PHF20: variants seen among roughly 807,000 people sequenced by gnomAD.
The protein encoded by PHF20 is glioma-expressed antigen 2.
PHF20 carries 23 observed loss-of-function variants against 113.5 expected under a neutral mutation model. That is an observed-to-expected ratio of 0.20 (90% CI 0.15 to 0.29). PHF20 has a LOEUF of 0.29. Among genes scored for constraint, PHF20 ranks in the 10% least tolerant of loss-of-function variants. The pLI, the probability that PHF20 is intolerant of heterozygous loss-of-function variation, is 1.00. For synonymous variants in PHF20, 434 were observed against 457.3 expected (o/e 0.95, Z 0.65); for missense variants, 943 against 1,219.6 (o/e 0.77, Z 3.38).
chr20:35,814,891 TAAAA>T (rs1207146028), intron 2 of PHF20, among the ~76,000 whole-genome samples: 2 of 113,022 alleles, frequency 1.8e-5, no homozygotes, highest in Non-Finnish European at 3.9e-5. Flanking sequence ...AAAAAAAAAA[TAAAA>T]TAAATAAATA....
chr20:35,867,306 C>A (rs2054335885), intron 6 of PHF20, among the ~76,000 whole-genome samples: 1 of 152,172 alleles, frequency 6.6e-6, no homozygotes, highest in South Asian at 2.1e-4. Flanking sequence ...GTCTCCCAGG[C>A]TGGAGTGCAG....
At chr20:35,910,898 G>T (rs559208552) in intron 10 of PHF20, among the ~76,000 whole-genome samples, 1 of 152,144 alleles carries the variant, frequency 6.6e-6, no homozygotes, top group Non-Finnish European at 1.5e-5. Context: ...CAAAGTGCTG[G>T]GAGTGAGCCA....
At chr20:35,938,021 G>A (rs1446601956) in intron 15 of PHF20, among the ~76,000 whole-genome samples, 2 of 152,066 alleles carry the variant, frequency 1.3e-5, no homozygotes, top group Non-Finnish European at 2.9e-5. Flanking sequence ...ACAGGCACCC[G>A]CCACCACGTC....
intron 17 of PHF20, among the ~76,000 whole-genome samples, chr20:35,941,940 G>T (rs2055987753): frequency 1.3e-5 from 2 of 152,108 alleles, no homozygotes; most frequent in African/African-American, 4.8e-5. Flanking sequence ...TACTGGAGAG[G>T]ACTCAGGGTG....
chr20:35,903,027 T>C (rs2055128582), intron 10 of PHF20, among the ~76,000 whole-genome samples: 1 of 147,344 alleles, frequency 6.8e-6, no homozygotes, highest in Non-Finnish European at 1.5e-5. Flanking sequence ...TTTTCTTTTT[T>C]TTTTTTTTTG....
At chr20:35,820,732 A>G (rs1268129683) in intron 2 of PHF20, among the ~76,000 whole-genome samples, 1 of 152,058 alleles carries the variant, frequency 6.6e-6, no homozygotes, top group Non-Finnish European at 1.5e-5. Flanking sequence ...TACTGGTGTG[A>G]GCCATCACAC....
At chr20:35,870,907 T>A (rs746533389) in intron 7 of PHF20, 48 bp from the exon 8 acceptor site, 1 of 1,414,152 alleles carries the variant, frequency 7.1e-7, no homozygotes, top group South Asian at 1.4e-5. Flanking sequence ...AGCACAGTTA[T>A]TTCTTCTTGT....
At chr20:35,796,145 C>T (rs2041662715) in intron 1 of PHF20, among the ~76,000 whole-genome samples, 1 of 152,072 alleles carries the variant, frequency 6.6e-6, no homozygotes, top group South Asian at 2.1e-4. Flanking sequence ...CCACCGCACC[C>T]AGACTATACA....
In PHF20 at chr20:35,942,720, A is replaced by T. The variant is rs1321978572; in HGVS notation, c.2896+1673A>T. On this transcript the variant is annotated intron_variant, in intron 17 of 17. Coordinates refer to ENST00000374012, the MANE Select transcript of PHF20 (RefSeq NM_016436.5). Reference sequence around the variant, plus strand: ...TTAAAATAAATGATAAAGCTTAAAGATTTTATTTAGGTAAACAGACTTTTG... The same window carrying T: ...TTAAAATAAATGATAAAGCTTAAAGTTTTTATTTAGGTAAACAGACTTTTG... Among the ~76,000 whole-genome samples, 4 of 152,238 alleles carry T rather than the reference A, an allele frequency of 2.6e-5. No individual in the cohort carries two copies. In the East Asian group the frequency reaches 7.7e-4, roughly 29 times the overall value.
chr20:35,803,923 T>C (rs2041832920), intron 2 of PHF20, among the ~76,000 whole-genome samples: 1 of 151,930 alleles, frequency 6.6e-6, no homozygotes, highest in African/African-American at 2.4e-5. Flanking sequence ...GGCACAATCA[T>C]AGTTCACTGT....
chr20:35,782,159 G>T (rs2041310796), intron 1 of PHF20, among the ~76,000 whole-genome samples: 1 of 151,872 alleles, frequency 6.6e-6, no homozygotes. Flanking sequence ...AATGTGCTTT[G>T]ATGAGTAGGA....
chr20:35,776,116 A>G (rs1026516704), intron 1 of PHF20, among the ~76,000 whole-genome samples: 9 of 152,232 alleles, frequency 5.9e-5, no homozygotes, highest in African/African-American at 2.2e-4. Flanking sequence ...GCTATTGCCA[A>G]ATTTAAATGG....
chr20:35,844,355 G>T (rs181584546), intron 3 of PHF20, among the ~76,000 whole-genome samples: 241 of 150,792 alleles, frequency 1.6e-3, no homozygotes, highest in African/African-American at 5.7e-3. Context: ...GCCTGCCTCG[G>T]CCTCTCAAAG....
chr20:35,887,628 C>A (rs2054759471), intron 9 of PHF20: 1 of 152,088 alleles, frequency 6.6e-6, no homozygotes, highest in Non-Finnish European at 1.5e-5. Flanking sequence ...CATACTGTCT[C>A]CTTCGCCATA....
intron 9 of PHF20, among the ~76,000 whole-genome samples, chr20:35,889,014 T>C (rs916934144): frequency 1.1e-4 from 8 of 73,594 alleles, no homozygotes; most frequent in Non-Finnish European, 1.8e-4. Flanking sequence ...AGTTTCTTTT[T>C]TTTTTTTTTT....
intron 9 of PHF20, chr20:35,887,884 A>C (rs1246620592): frequency 6.6e-6 from 1 of 151,944 alleles, no homozygotes; most frequent in Non-Finnish European, 1.5e-5. Context: ...CAGGGCGTGA[A>C]TACCAGGAGG....
chr20:35,793,616 C>T (rs541595845), intron 1 of PHF20, among the ~76,000 whole-genome samples: 3 of 151,572 alleles, frequency 2.0e-5, no homozygotes, highest in East Asian at 2.0e-4. Context: ...TCCTTTCTAA[C>T]AGCCGTATCT....
rs985701524 is a variant in PHF20, at chr20:35,950,074, A to G, written c.*2447A>G. On this transcript the variant is annotated 3_prime_UTR_variant, in exon 18 of 18. Transcript: ENST00000374012. ...ATCTCAAAAAAATAAAAATAAAAGAAAAGAAAGAAATATGTGCACTACCTA... is the reference window on the plus strand; with the variant it reads ...ATCTCAAAAAAATAAAAATAAAAGAGAAGAAAGAAATATGTGCACTACCTA... 1 of 152,646 alleles carries G rather than the reference A, an allele frequency of 6.6e-6. No homozygotes were observed. Among genetic ancestry groups the G allele is most frequent in the African/African-American group, 2.4e-5 (1 of 41,448 alleles). The allele number at this position is 152,646 out of a possible 1,614,324, so 9.5% of individuals were successfully genotyped here. A position where few individuals can be genotyped will look rare whatever the true frequency, so the allele number is the denominator to read the frequency against.
chr20:35,810,271 T>C (rs1434180978), intron 2 of PHF20, among the ~76,000 whole-genome samples: 1 of 152,182 alleles, frequency 6.6e-6, no homozygotes, highest in Non-Finnish European at 1.5e-5. Flanking sequence ...CTACAAGTCC[T>C]GGGTAAATCC....
Sources: allele counts gnomAD v4.1 joint callset (sites outside exome capture counted in the v4.1 genomes callset), GRCh38; gene constraint gnomAD v4.1.1; transcripts MANE v1.5; gene names NCBI Gene and HGNC (gene_info 2026-07-23, HGNC 2026-07-21).